Variants in CATSPERE observed in about 807,000 individuals in gnomAD.
CATSPERE encodes cation channel sperm-associated auxiliary subunit epsilon.
Under a neutral mutation model 114.1 loss-of-function variants are expected in CATSPERE, and 93 were observed. The ratio of observed to expected loss-of-function variants is 0.81; its 90% CI spans 0.69 to 0.97. The LOEUF is 0.97. CATSPERE is among the 50% of genes least tolerant of loss of function. The pLI is 0.00. For synonymous variants in CATSPERE, 341 were observed against 384.1 expected (o/e 0.89, Z 1.31); for missense variants, 1,058 against 1,131.6 (o/e 0.93, Z 0.93).
chr1:244,518,489 G>A, intron 7 of CATSPERE, 103 bp from the exon 8 acceptor site: 1 of 723,054 alleles, frequency 1.4e-6, no homozygotes, highest in Non-Finnish European at 2.4e-6. Flanking sequence ...ACAAATGTAA[G>A]CAATGTCTTA....
chr1:244,503,619 G>A (rs1052539569), intron 7 of CATSPERE, among the ~76,000 whole-genome samples: 1 of 152,060 alleles, frequency 6.6e-6, no homozygotes, highest in Non-Finnish European at 1.5e-5. Flanking sequence ...TTGAGACGAG[G>A]TCTCACTCTG....
intron 20 of CATSPERE, among the ~76,000 whole-genome samples, chr1:244,626,590 A>G (rs1159588683): frequency 2.6e-5 from 4 of 151,810 alleles, no homozygotes; most frequent in East Asian, 3.9e-4. Context: ...ACCTTCATCA[A>G]TCATCTTAGC....
intron 7 of CATSPERE, among the ~76,000 whole-genome samples, chr1:244,501,305 A>G (rs1020664298): frequency 1.3e-5 from 2 of 152,252 alleles, no homozygotes; most frequent in Non-Finnish European, 2.9e-5. Flanking sequence ...TTGAAGATAA[A>G]TGAATTTTCT....
chr1:244,621,148 AT>A lies in CATSPERE; in HGVS notation c.2648+3464del, dbSNP rs1558609974. Among the ~76,000 whole-genome samples, 10 of 64,810 alleles carry A rather than the reference AT, an allele frequency of 1.5e-4. 1 individual carries two copies. Among genetic ancestry groups the A allele is most frequent in the South Asian group, 8.1e-4 (2 of 2,468 alleles). The allele number at this position is 64,810 out of a possible 152,430, so 42.5% of individuals were successfully genotyped here. ...ATATAAATATATATAAAATATATATATTATAAAATATATATATTATATATAG... is the reference window on the plus strand; with the variant it reads ...ATATAAATATATATAAAATATATATATATAAAATATATATATTATATATAG... On this transcript the variant is annotated intron_variant, in intron 20 of 21. Transcript: ENST00000366534.
intron 8 of CATSPERE, among the ~76,000 whole-genome samples, chr1:244,531,084 A>G (rs956351266): frequency 2.0e-5 from 3 of 151,564 alleles, no homozygotes; most frequent in Admixed American, 6.6e-5. Flanking sequence ...AAAAAATTTA[A>G]AAAAAGCCGG....
upstream of CATSPERE, among the ~76,000 whole-genome samples, chr1:244,456,690 C>T (rs1310052328): frequency 6.6e-6 from 1 of 152,108 alleles, no homozygotes; most frequent in Non-Finnish European, 1.5e-5. Flanking sequence ...ATTTGATTTA[C>T]CTACTTTGGA....
At chr1:244,547,942 G>A (rs547325714) in intron 8 of CATSPERE, among the ~76,000 whole-genome samples, 2 of 152,280 alleles carry the variant, frequency 1.3e-5, no homozygotes, top group East Asian at 3.9e-4. Flanking sequence ...GTAAAGGGAT[G>A]GAAGAAGAAG....
At chr1:244,476,575 T>C (rs1013167514) in intron 2 of CATSPERE, among the ~76,000 whole-genome samples, 2 of 152,176 alleles carry the variant, frequency 1.3e-5, no homozygotes, top group Admixed American at 1.3e-4. Flanking sequence ...ATGAAACGGT[T>C]TACCACCAGT....
chr1:244,545,717 T>C (rs369055377), intron 8 of CATSPERE, among the ~76,000 whole-genome samples: 2 of 152,202 alleles, frequency 1.3e-5, no homozygotes, highest in Non-Finnish European at 2.9e-5. Flanking sequence ...GAACTGTTAC[T>C]TGACCCAGTG....
intron 6 of CATSPERE, among the ~76,000 whole-genome samples, chr1:244,493,067 A>T (rs1164796243): frequency 2.0e-5 from 3 of 150,874 alleles, no homozygotes; most frequent in Non-Finnish European, 4.4e-5. Flanking sequence ...GCTACCAATG[A>T]CTTTCTTCAC....
intron 19 of CATSPERE, chr1:244,610,555 G>C (rs1670579738): frequency 9.4e-6 from 6 of 637,886 alleles, no homozygotes; most frequent in Non-Finnish European, 1.4e-5. Flanking sequence ...CTGTAAATAT[G>C]TGTTTGCAGA....
At position 244,547,368 on chromosome 1, in the gene CATSPERE, T is replaced by C. The variant is rs150178734; in HGVS notation, c.537-4954T>C. Among the ~76,000 whole-genome samples the C allele has an allele frequency of 3.6e-4, 55 of 152,246 alleles. No individual in the cohort carries two copies. In the East Asian group the frequency reaches 7.5e-3, roughly 21 times the overall value. ...AAGAAAAGGATGCTAATGAGTAATA[T>C]GAAAACATCTGAAAGTATAAAACCA... On this transcript the variant is annotated intron_variant, in intron 8 of 21. Coordinates refer to ENST00000366534, the MANE Select transcript of CATSPERE (RefSeq NM_001130957.2).
At chr1:244,635,593 A>T (rs1244638364) in intron 21 of CATSPERE, 51 bp downstream of exon 21, 2 of 1,422,228 alleles carry the variant, frequency 1.4e-6, no homozygotes, top group African/African-American at 1.4e-5. Flanking sequence ...CTAAGACACA[A>T]ATGGCAGCTA....
chr1:244,522,792 C>T (rs3124049), intron 8 of CATSPERE, among the ~76,000 whole-genome samples: 45,540 of 151,662 alleles, frequency 0.3, 8,674 homozygotes, highest in African/African-American at 0.55. Context: ...CAGGAAGAAG[C>T]TGAATCTCTG....
chr1:244,476,353 T>C (rs1669340274), intron 2 of CATSPERE, among the ~76,000 whole-genome samples: 1 of 149,290 alleles, frequency 6.7e-6, no homozygotes. Flanking sequence ...CTAATTATAT[T>C]TTTTAAGTCT....
In CATSPERE at chr1:244,635,444, T is replaced by C. The variant is rs151236350; in HGVS notation, c.2649-45T>C. The C allele has an allele frequency of 1.6e-4, 220 of 1,406,066 alleles. No homozygotes were observed. In the African/African-American group the frequency reaches 2.9e-3, roughly 18 times the overall value. 87.1% of individuals were successfully genotyped at this position (1,406,066 alleles called of 1,614,324 possible). On this transcript the variant is annotated intron_variant, in intron 20 of 21. Transcript: ENST00000366534. ...GGGACATGGAGAGCGTTTTAAAATATATTGTACTTAGTGTAATCTTTCATA... is the reference window on the plus strand; with the variant it reads ...GGGACATGGAGAGCGTTTTAAAATACATTGTACTTAGTGTAATCTTTCATA...
chr1:244,463,930 T>A lies in CATSPERE; in HGVS notation c.88T>A (p.Tyr30Asn). ...CAGGTATTCCACTAACAGCCCAAACTATCGCATTTTTAGTACCAGAAGTAC... is the reference window on the plus strand; with the variant it reads ...CAGGTATTCCACTAACAGCCCAAACAATCGCATTTTTAGTACCAGAAGTAC... ...LWRYSTNSPN[Y>N]RIFSTRSTIK... Residue 30 changes from tyrosine to asparagine, a missense_variant, in exon 2 of 22, where the codon TAT (tyrosine) becomes AAT (asparagine). By Grantham distance (143) the Tyr-to-Asn change is moderately radical. Transcript: ENST00000366534. The A allele has an allele frequency of 6.2e-7, 1 of 1,602,998 alleles. No homozygotes were observed. Among genetic ancestry groups the A allele is most frequent in the Non-Finnish European group, 8.5e-7 (1 of 1,170,120 alleles).
intron 2 of CATSPERE, among the ~76,000 whole-genome samples, chr1:244,465,380 T>C (rs976835719): frequency 6.6e-6 from 1 of 152,190 alleles, no homozygotes; most frequent in African/African-American, 2.4e-5. Flanking sequence ...AACTGAAATG[T>C]TTTTATAATT....
chr1:244,490,161 A>G (rs943907915), intron 5 of CATSPERE, among the ~76,000 whole-genome samples: 2 of 152,144 alleles, frequency 1.3e-5, no homozygotes, highest in African/African-American at 4.8e-5. Context: ...CTTCAAGGTC[A>G]TTATTAATCT....
Sources: allele counts gnomAD v4.1 joint callset (sites outside exome capture counted in the v4.1 genomes callset), GRCh38; gene constraint gnomAD v4.1.1; transcripts MANE v1.5; gene names NCBI Gene and HGNC (gene_info 2026-07-23, HGNC 2026-07-21).